MYBPC2: variants seen among roughly 807,000 people sequenced by gnomAD.
MYBPC2 encodes myosin binding protein C2, also known as myosin-binding protein C, fast-type.
In MYBPC2, 122 loss-of-function variants were observed where a neutral mutation model predicts 137.0. The ratio of observed to expected loss-of-function variants is 0.89; its 90% CI spans 0.77 to 1.03. MYBPC2 has a LOEUF of 1.03. MYBPC2 is among the 50% of genes least tolerant of loss of function. MYBPC2 has a pLI of 0.00. For missense variants in MYBPC2, 1,500 were observed against 1,534.4 expected (o/e 0.98, Z 0.37); for synonymous variants, 626 against 612.3 (o/e 1.02, Z -0.33).
At chr19:50,454,842 G>A (rs2039893890) in intron 18 of MYBPC2, among the ~76,000 whole-genome samples, 1 of 151,948 alleles carries the variant, frequency 6.6e-6, no homozygotes, top group South Asian at 2.1e-4. Flanking sequence ...TTACTCGCTG[G>A]TGACCTGGGA....
At position 50,435,352 on chromosome 19, in the gene MYBPC2, TC is replaced by T. The variant is rs2039693087; in HGVS notation, c.109+106del. The T allele has an allele frequency of 1.5e-6, 1 of 686,180 alleles. No individual in the cohort carries two copies. The highest frequency in any genetic ancestry group is 2.5e-5 in the Admixed American group (1 of 40,432). The allele number at this position is 686,180 out of a possible 1,614,324, so 42.5% of individuals were successfully genotyped here. A position where few individuals can be genotyped will look rare whatever the true frequency, so the allele number is the denominator to read the frequency against. On this transcript the variant is annotated intron_variant, in intron 2 of 27. Coordinates refer to ENST00000357701, the MANE Select transcript of MYBPC2 (RefSeq NM_004533.4). The surrounding 1 kb of genome is among the most constrained non-coding windows in gnomAD (Gnocchi z 4.8). Reference sequence around the variant, plus strand: ...TCCCCAGCCTCTATCCTTGAATCTGTCCCCGCACAGCCCCAGGGCTGACCCA... The same window carrying T: ...TCCCCAGCCTCTATCCTTGAATCTGTCCCGCACAGCCCCAGGGCTGACCCA...
At chr19:50,463,454 C>T (rs1431171577) in intron 26 of MYBPC2, among the ~76,000 whole-genome samples, 1 of 152,208 alleles carries the variant, frequency 6.6e-6, no homozygotes, top group Non-Finnish European at 1.5e-5. Flanking sequence ...CATCCATTTA[C>T]TCAGTTCATT....
chr19:50,461,867 C>A, intron 25 of MYBPC2, 33 bp from the exon 26 acceptor site: 1 of 1,585,812 alleles, frequency 6.3e-7, no homozygotes, highest in African/African-American at 1.3e-5. Context: ...GAATCTAGAT[C>A]AGTCGCCTTA....
rs573334192 is a variant in MYBPC2 at position 50,456,435 on chromosome 19, C to CTTTT, written c.2338+803_2338+806dup. 2.6e-3 allele frequency among the ~76,000 whole-genome samples: 349 copies of CTTTT among 132,372 alleles called. 9 individuals carry two copies. Among genetic ancestry groups the CTTTT allele is most frequent in the Admixed American group, 4.0e-3 (50 of 12,496 alleles). The allele number at this position is 132,372 out of a possible 152,430, so 86.8% of individuals were successfully genotyped here. ...ATATTTCCTTCGTTTCTCTCTCTCTCTTTTTTTTTTTTTTTGAGACAGAGT... is the reference window on the plus strand; with the variant it reads ...ATATTTCCTTCGTTTCTCTCTCTCTCTTTTTTTTTTTTTTTTTTTGAGACAGAGT... On this transcript the variant is annotated intron_variant, in intron 20 of 27. Coordinates refer to ENST00000357701, the MANE Select transcript of MYBPC2 (RefSeq NM_004533.4).
rs745610978 is a variant in MYBPC2 at position 50,460,051 on chromosome 19, C to A, written c.2803C>A (p.Pro935Thr). 4 of 1,545,982 alleles carry A rather than the reference C, an allele frequency of 2.6e-6. No individual in the cohort carries two copies. Among genetic ancestry groups the A allele is most frequent in the African/African-American group, 1.4e-5 (1 of 72,912 alleles). The change falls in exon 24 of 28, where the codon CCC (proline) becomes ACC (threonine). Residue 935 changes from proline to threonine, a missense_variant. Pro to Thr is a conservative substitution (Grantham distance 38, BLOSUM62 -1). Transcript: ENST00000357701. ...IRIRVVEKAG[P>T]PINVMVKEVW... is the part of the protein sequence containing the mutation. Reference sequence around the variant, plus strand: ...TTCCCCATTTCCAGAAAAGGCTGGGCCCCCCATAAACGTGATGGTGAAGGA... The same window carrying A: ...TTCCCCATTTCCAGAAAAGGCTGGGACCCCCATAAACGTGATGGTGAAGGA...
chr19:50,435,814 C>T lies in MYBPC2; in HGVS notation c.148C>T (p.Pro50Ser). Residue 50 changes from proline (P) to serine (S), a missense_variant, in exon 3 of 28, where the codon CCC becomes TCC. Physicochemically the swap from Pro to Ser is moderately conservative, Grantham distance 74. Transcript: ENST00000357701. This position sits in a 1 kb window ranked among gnomAD's most constrained non-coding sequence, Gnocchi z 4.8. ...GGACCAGTCCCCGACTGCAGAGGAG[C>T]CCACCGGCGTTTTCCTGAAGAAGCC... is the stretch of plus-strand genomic sequence containing the variant. ...PEDQSPTAEE[P>S]TGVFLKKPDS... 1 of 1,611,404 alleles carries T rather than the reference C, an allele frequency of 6.2e-7. No homozygotes were observed. The highest frequency in any genetic ancestry group is 8.5e-7 in the Non-Finnish European group (1 of 1,178,738).
In MYBPC2 at chr19:50,459,325, G is replaced by A. The variant is rs2039946959; in HGVS notation, c.2791+19G>A. 1.9e-6 allele frequency: 3 copies of A among 1,581,174 alleles called. No homozygotes were observed. Among genetic ancestry groups the A allele is most frequent in the African/African-American group, 1.4e-5 (1 of 73,244 alleles). ...GTTGTGGGTGCGCGCGCTGGGGAGG[G>A]CCCCTGGAGGCCGGGAGGGGCAGGG... On this transcript the variant is annotated intron_variant, in intron 23 of 27. Transcript: ENST00000357701.
intron 8 of MYBPC2, 73 bp from the exon 9 acceptor site, chr19:50,442,108 G>C: frequency 6.6e-7 from 1 of 1,513,464 alleles, no homozygotes; most frequent in Non-Finnish European, 8.9e-7. Context: ...GGAGGGAGAT[G>C]TGGTGCCTCT....
In MYBPC2 at chr19:50,455,269, A is replaced by G; in HGVS notation, c.2176A>G (p.Met726Val). The G allele has an allele frequency of 6.2e-7, 1 of 1,613,836 alleles. No homozygotes were observed. Among genetic ancestry groups the G allele is most frequent in the Non-Finnish European group, 8.5e-7 (1 of 1,179,808 alleles). Residue 726 changes from methionine (M) to valine (V), a missense_variant, in exon 19 of 28, where the codon ATG becomes GTG. By Grantham distance (21) the Met-to-Val change is conservative. Coordinates refer to ENST00000357701, the MANE Select transcript of MYBPC2 (RefSeq NM_004533.4). ...TGCTATAGGGGTCTCCCAGCCCAGCATGAACACCAAGCCTTTTATGCCTAT... is the reference window on the plus strand; with the variant it reads ...TGCTATAGGGGTCTCCCAGCCCAGCGTGAACACCAAGCCTTTTATGCCTAT... ...VNAIGVSQPS[M>V]NTKPFMPIAP...
rs937297519 is a variant in MYBPC2 at position 50,455,734 on chromosome 19, G to A, written c.2338+90G>A. ...GCTGAAAATAGGACCATGTGGGACA[G>A]AGATGGGTGCAGTGGCCTGCTTGTG... On this transcript the variant is annotated intron_variant, in intron 20 of 27. Transcript: ENST00000357701. 41 of 1,548,320 alleles carry A rather than the reference G, an allele frequency of 2.6e-5. No individual in the cohort carries two copies. In the East Asian group the frequency reaches 2.9e-4, roughly 11 times the overall value.
intron 7 of MYBPC2, among the ~76,000 whole-genome samples, chr19:50,439,750 G>T (rs67427002): frequency 6.6e-6 from 1 of 152,116 alleles, no homozygotes; most frequent in African/African-American, 2.4e-5. Context: ...CATTGCCTTG[G>T]GAAATGGGTC....
intron 13 of MYBPC2, 146 bp from the exon 14 acceptor site, chr19:50,450,683 T>C (rs937406355): frequency 1.4e-4 from 83 of 612,368 alleles, no homozygotes; most frequent in African/African-American, 1.3e-3. Context: ...AGCTACCGAT[T>C]TGAAAATAGA....
In MYBPC2 at chr19:50,448,222, C is replaced by T; in HGVS notation, c.1307-3C>T. 6.2e-7 allele frequency: 1 copy of T among 1,612,596 alleles called. No individual in the cohort carries two copies. The highest frequency in any genetic ancestry group is 8.5e-7 in the Non-Finnish European group (1 of 1,179,068). The stretch of plus-strand genomic sequence containing the variant: ...GGCTCCTTGTCTTTCTCTCCCTGAC[C>T]AGAGAAACAGCTGGAGGTCCTGCAG... On this transcript the variant is annotated splice_region_variant and splice_polypyrimidine_tract_variant and intron_variant, in intron 12 of 27. Coordinates refer to ENST00000357701, the MANE Select transcript of MYBPC2 (RefSeq NM_004533.4).
intron 27 of MYBPC2, among the ~76,000 whole-genome samples, chr19:50,464,811 C>T (rs1601301139): frequency 1.3e-5 from 2 of 152,118 alleles, no homozygotes; most frequent in Non-Finnish European, 2.9e-5. Context: ...AGGAAACGTC[C>T]CCAAGGCCTC....
chr19:50,433,497 T>G (rs2096787572), intron 1 of MYBPC2, among the ~76,000 whole-genome samples: 1 of 151,776 alleles, frequency 6.6e-6, no homozygotes, highest in African/African-American at 2.4e-5. Context: ...ATCCGCCTCC[T>G]GAGTTCAAAC....
rs779238329 is a variant in MYBPC2, at chr19:50,448,236, G to T, written c.1318G>T (p.Glu440Ter). 26 of 1,613,518 alleles carry T rather than the reference G, an allele frequency of 1.6e-5. No individual in the cohort carries two copies. The East Asian group carries it at 5.6e-4, about 35-fold the overall frequency. ...AELIVEEKQL[E>*]VLQDIADLTV... The stretch of plus-strand genomic sequence containing the variant: ...CTCTCCCTGACCAGAGAAACAGCTG[G>T]AGGTCCTGCAGGACATCGCGGATCT... The change falls in exon 13 of 28, where the codon GAG becomes TAG. Residue 440 changes from glutamate (E) to a stop codon, truncating the protein, a stop_gained. Coordinates refer to ENST00000357701, the MANE Select transcript of MYBPC2 (RefSeq NM_004533.4). LOFTEE classifies it high-confidence loss of function.
intron 25 of MYBPC2, 95 bp downstream of exon 25, chr19:50,461,796 G>C: frequency 6.3e-7 from 1 of 1,587,988 alleles, no homozygotes; most frequent in Non-Finnish European, 8.6e-7. Context: ...CACTGGGGTT[G>C]ACGGCACCTA....
chr19:50,436,052 G>C lies in MYBPC2; in HGVS notation c.237G>C (p.Glu79Asp). 2 of 1,585,016 alleles carry C rather than the reference G, an allele frequency of 1.3e-6. No individual in the cohort carries two copies. Among genetic ancestry groups the C allele is most frequent in the Non-Finnish European group, 8.6e-7 (1 of 1,165,628 alleles). Residue 79 changes from glutamate to aspartate, a missense_variant, in exon 4 of 28, where the codon GAG (glutamate) becomes GAC (aspartate). Transcript: ENST00000357701. ...AVVVAKVNGKELPDKPTIKWF... is the reference protein window; with the variant it reads ...AVVVAKVNGKDLPDKPTIKWF... Reference sequence around the variant, plus strand: ...TCGTGGCCAAGGTGAACGGGAAGGAGCTCCCAGACAAACCGACCATCAAGT... The same window carrying C: ...TCGTGGCCAAGGTGAACGGGAAGGACCTCCCAGACAAACCGACCATCAAGT...
chr19:50,447,106 T>C (rs1386871901), intron 12 of MYBPC2, among the ~76,000 whole-genome samples: 10 of 151,998 alleles, frequency 6.6e-5, no homozygotes, highest in African/African-American at 2.4e-4. Flanking sequence ...CTGGTCACTC[T>C]GTGTCTATAC....
Sources: gnomAD v4.1 joint callset for allele counts (sites outside exome capture counted in the v4.1 genomes callset) on GRCh38, gnomAD v4.1.1 for gene constraint, Gnocchi (gnomAD v3.1) non-coding constraint, MANE v1.5 for transcripts, NCBI Gene and HGNC (gene_info 2026-07-23, HGNC 2026-07-21) for gene names.